The following GLI2 variants were observed in gnomAD, a reference collection of about 807,000 sequenced individuals.
The protein encoded by GLI2 is transcription activator GLI2.
In GLI2, 22 loss-of-function variants were observed where a neutral mutation model predicts 78.9. The observed-to-expected ratio is 0.28, with a 90% CI of 0.20 to 0.40. The LOEUF is 0.40. Among genes scored for constraint, GLI2 ranks in the 10% least tolerant of loss-of-function variants. The pLI is 1.00. For missense variants in GLI2, 2,097 were observed against 2,213.2 expected, an observed-to-expected ratio of 0.95 and a Z score of 1.05; for synonymous variants, 974 against 963.7, an observed-to-expected ratio of 1.01 and a Z score of -0.20.
In GLI2 at chr2:120,927,339, G is replaced by T. The variant is rs764918563; in HGVS notation, c.149-22G>T. 3.2e-6 allele frequency: 5 copies of T among 1,565,860 alleles called. No individual in the cohort carries two copies. In the East Asian group the frequency reaches 1.1e-4, roughly 35 times the overall value. On this transcript the variant is annotated intron_variant, in intron 2 of 13. Coordinates refer to ENST00000361492, the MANE Select transcript of GLI2 (RefSeq NM_001374353.1). ...GGAGGGGGAAAGTTTTTGAAGTCTTGTTTCTCTCTCCCCCTCTGCAGTGCC... is the reference window on the plus strand; with the variant it reads ...GGAGGGGGAAAGTTTTTGAAGTCTTTTTTCTCTCTCCCCCTCTGCAGTGCC...
chr2:120,820,610 C>G (rs1185118725), intron 2 of GLI2, among the ~76,000 whole-genome samples: 1 of 152,220 alleles, frequency 6.6e-6, no homozygotes, highest in Non-Finnish European at 1.5e-5. Context: ...GCGGGGACGG[C>G]TGCTGTCCAC....
intron 1 of GLI2, among the ~76,000 whole-genome samples, chr2:120,790,344 T>TCAAGG (rs1314639535): frequency 1.3e-5 from 2 of 152,064 alleles, no homozygotes; most frequent in Non-Finnish European, 2.9e-5. Flanking sequence ...GAAGCCAAGG[T>TCAAGG]CAAGGTTATG....
chr2:120,867,253 C>G (rs927819353), intron 2 of GLI2: 11 of 152,172 alleles, frequency 7.2e-5, no homozygotes, highest in Non-Finnish European at 1.6e-4. Context: ...GAAGGCATGC[C>G]GACGTCAGCT....
chr2:120,757,397 C>A (rs1683066665), intron 1 of GLI2, among the ~76,000 whole-genome samples: 3 of 152,124 alleles, frequency 2.0e-5, no homozygotes, highest in Admixed American at 2.0e-4. Flanking sequence ...TTAGATGGGA[C>A]CAGAGCCTAG....
intron 2 of GLI2, among the ~76,000 whole-genome samples, chr2:120,921,254 G>T (rs1345978072): frequency 6.6e-6 from 1 of 150,518 alleles, no homozygotes; most frequent in African/African-American, 2.5e-5. Flanking sequence ...GCACGTGTGT[G>T]CATGTGTGTT....
chr2:120,896,233 C>T (rs952467902), intron 2 of GLI2, among the ~76,000 whole-genome samples: 8 of 152,084 alleles, frequency 5.3e-5, no homozygotes, highest in African/African-American at 7.2e-5. Flanking sequence ...ACCCTCTCTC[C>T]GCCCCACCCT....
chr2:120,878,708 G>C (rs1688883971), intron 2 of GLI2, among the ~76,000 whole-genome samples: 1 of 152,084 alleles, frequency 6.6e-6, no homozygotes, highest in African/African-American at 2.4e-5. Context: ...GCCAAGGCAG[G>C]CGGATCACAG....
chr2:120,932,280 G>A lies in GLI2; in HGVS notation c.254+4814G>A, dbSNP rs566178070. On this transcript the variant is annotated intron_variant, in intron 3 of 13. Coordinates refer to ENST00000361492, the MANE Select transcript of GLI2 (RefSeq NM_001374353.1). ...GTCAGCTGAGCCTGAGCCTGAGCCT[G>A]CTGCCCTGAGCTGGTGACCATTTCG... 7.9e-5 allele frequency among the ~76,000 whole-genome samples: 12 copies of A among 152,210 alleles called. No homozygotes were observed. The South Asian group carries it at 8.3e-4, about 11-fold the overall frequency.
intron 2 of GLI2, among the ~76,000 whole-genome samples, chr2:120,890,545 C>T (rs915847090): frequency 1.3e-5 from 2 of 152,104 alleles, no homozygotes; most frequent in African/African-American, 2.4e-5. Flanking sequence ...AAGGCAGATG[C>T]ATTGTATCAC....
intron 2 of GLI2, among the ~76,000 whole-genome samples, chr2:120,907,145 C>T (rs1355400798): frequency 6.6e-6 from 1 of 152,162 alleles, no homozygotes; most frequent in Admixed American, 6.5e-5. Flanking sequence ...GCTGCCTTGC[C>T]GCTGATGCTC....
intron 1 of GLI2, among the ~76,000 whole-genome samples, chr2:120,790,901 C>A (rs1684135393): frequency 6.6e-6 from 1 of 152,074 alleles, no homozygotes; most frequent in Admixed American, 6.5e-5. Context: ...GTGATCTTTT[C>A]TTGGAGAAGA....
intron 5 of GLI2, among the ~76,000 whole-genome samples, chr2:120,956,930 C>T (rs905402152): frequency 1.3e-5 from 2 of 152,156 alleles, no homozygotes; most frequent in African/African-American, 2.4e-5. Context: ...TGACATCTCG[C>T]CTCCTCCAGG....
chr2:120,973,479 G>T (rs1043985586), intron 8 of GLI2, among the ~76,000 whole-genome samples: 1 of 152,242 alleles, frequency 6.6e-6, no homozygotes, highest in Non-Finnish European at 1.5e-5. Flanking sequence ...TGTTTATCAT[G>T]AGGAGGTTGT....
chr2:120,890,223 T>C (rs2104746256), intron 2 of GLI2, among the ~76,000 whole-genome samples: 1 of 152,314 alleles, frequency 6.6e-6, no homozygotes, highest in Admixed American at 6.5e-5. Flanking sequence ...GGTTACCAAC[T>C]ATGTGTTTCC....
At chr2:120,751,332 C>T (rs1240056411) in intron 1 of GLI2, among the ~76,000 whole-genome samples, 26 of 151,964 alleles carry the variant, frequency 1.7e-4, no homozygotes, top group Admixed American at 1.6e-3. Context: ...TTATCCTTTC[C>T]ACCGTTCTCC....
chr2:120,884,492 G>T (rs1365811553), intron 2 of GLI2, among the ~76,000 whole-genome samples: 1 of 152,216 alleles, frequency 6.6e-6, no homozygotes, highest in East Asian at 1.9e-4. Flanking sequence ...ATTGAGCCGT[G>T]TGTGGATTTA....
At chr2:120,841,888 T>TGTGTGTGTGTGTGTGA (rs768879101) in intron 2 of GLI2, among the ~76,000 whole-genome samples, 79 of 150,892 alleles carry the variant, frequency 5.2e-4, no homozygotes, top group Non-Finnish European at 8.3e-4. Flanking sequence ...TGTGTGTGTG[T>TGTGTGTGTGTGTGTGA]GATGCTGGGC....
chr2:120,771,981 C>T (rs1458666447), intron 1 of GLI2, among the ~76,000 whole-genome samples: 2 of 152,168 alleles, frequency 1.3e-5, no homozygotes, highest in Admixed American at 1.3e-4. Flanking sequence ...TCCTTGTTTT[C>T]GGAGTGACCC....
chr2:120,871,535 G>A (rs894309778), intron 2 of GLI2, among the ~76,000 whole-genome samples: 6 of 152,212 alleles, frequency 3.9e-5, no homozygotes, highest in Admixed American at 2.6e-4. Context: ...CCTGTGCACC[G>A]GAGCTGTCAG....
Sources: allele counts gnomAD v4.1 joint callset (sites outside exome capture counted in the v4.1 genomes callset), GRCh38; gene constraint gnomAD v4.1.1; transcripts MANE v1.5; gene names NCBI Gene and HGNC (gene_info 2026-07-23, HGNC 2026-07-21).